TG: variants seen among roughly 807,000 people sequenced by gnomAD.
The protein encoded by TG is thyroglobulin, also known as thyroid hormones.
A neutral mutation model predicts 324.7 loss-of-function variants in TG; 270 were observed. The observed-to-expected ratio is 0.83, with a 90% CI of 0.75 to 0.92. The LOEUF (loss-of-function observed/expected upper bound fraction) is 0.92, where lower values mean the gene tolerates loss of function less well. TG is among the 40% of genes least tolerant of loss of function. The pLI is 0.00. For missense variants in TG, 3,591 were observed against 3,456.4 expected (o/e 1.04, Z -0.98); for synonymous variants, 1,401 against 1,327.0 (o/e 1.06, Z -1.21).
chr8:132,888,544 T>G lies in TG; in HGVS notation c.2737T>G (p.Ser913Ala), dbSNP rs773538206. Residue 913 changes from serine to alanine, a missense_variant, in exon 10 of 48, where the codon TCT (serine) becomes GCT (alanine). Ser to Ala is a moderately conservative substitution (Grantham distance 99, BLOSUM62 1). Transcript: ENST00000220616. The part of the protein sequence containing the change: ...EAGQELEGMR[S>A]EPSKLPTCPG... ...TGGCCAAGAACTGGAAGGAATGCGG[T>G]CTGAGCCAAGCAAGCTCCCAACATG... The G allele has an allele frequency of 6.2e-7, 1 of 1,611,686 alleles. No individual in the cohort carries two copies. The highest frequency in any genetic ancestry group is 8.5e-7 in the Non-Finnish European group (1 of 1,179,488).
In TG at chr8:132,877,105, C is replaced by T. The variant is rs147289575; in HGVS notation, c.638+3884C>T. ...CTGTGGTGGTTGGCTATGCATCAGG[C>T]GCTCTGCTAGGCTACGGCCCCCTCT... is the stretch of plus-strand genomic sequence containing the variant. On this transcript the variant is annotated intron_variant, in intron 5 of 47. Transcript: ENST00000220616. Among the ~76,000 whole-genome samples, 16 of 152,238 alleles carry T rather than the reference C, an allele frequency of 1.1e-4. No homozygotes were observed. In the South Asian group the frequency reaches 2.1e-3, roughly 20 times the overall value.
Position 133,040,003 on chromosome 8 carries a change from C to T in TG, c.7239+9980C>T, listed in dbSNP as rs771828887. The stretch of plus-strand genomic sequence containing the variant: ...CATACACACACCATACTCACCTGGA[C>T]ACTCTCCTCCAGTCCACAGTCTTCT... On this transcript the variant is annotated intron_variant, in intron 41 of 47. Coordinates refer to ENST00000220616, the MANE Select transcript of TG (RefSeq NM_003235.5). 10 of 1,551,582 alleles carry T rather than the reference C, an allele frequency of 6.4e-6. 1 individual carries two copies. The Admixed American group carries it at 1.4e-4, about 21-fold the overall frequency.
At chr8:133,102,824 A>G (rs949723914) in intron 43 of TG, 4 of 440,162 alleles carry the variant, frequency 9.1e-6, no homozygotes, top group Non-Finnish European at 1.7e-5. Context: ...GAAAAATCAG[A>G]AACAGAGCGC....
intron 41 of TG, among the ~76,000 whole-genome samples, chr8:133,063,883 C>T (rs991868792): frequency 5.3e-5 from 8 of 152,220 alleles, no homozygotes; most frequent in Non-Finnish European, 1.0e-4. Context: ...GCTGGAGTCT[C>T]TCTAATGAAA....
At chr8:133,081,948 A>T (rs541054465) in intron 41 of TG, among the ~76,000 whole-genome samples, 1 of 152,246 alleles carries the variant, frequency 6.6e-6, no homozygotes, top group Non-Finnish European at 1.5e-5. Context: ...GGAAACAGGC[A>T]TCTCATTTCT....
At chr8:133,009,849 G>A (rs1834347041) in intron 35 of TG, among the ~76,000 whole-genome samples, 1 of 151,238 alleles carries the variant, frequency 6.6e-6, no homozygotes. Flanking sequence ...CTCCAGAACT[G>A]TGAGAAATAA....
chr8:133,099,867 T>C (rs1037642316), intron 43 of TG, among the ~76,000 whole-genome samples: 2 of 152,176 alleles, frequency 1.3e-5, no homozygotes, highest in African/African-American at 4.8e-5. Flanking sequence ...GCCACTTTAT[T>C]TGAGATTTTT....
intron 41 of TG, among the ~76,000 whole-genome samples, chr8:133,035,208 A>G (rs1040470051): frequency 5.9e-5 from 9 of 152,216 alleles, no homozygotes; most frequent in Non-Finnish European, 1.3e-4. Flanking sequence ...CACCCATGAA[A>G]TTTTGAAAAG....
chr8:133,102,660 G>T, intron 43 of TG: 1 of 1,169,600 alleles, frequency 8.5e-7, no homozygotes, highest in South Asian at 1.3e-5. Context: ...CTGTCATGGG[G>T]AATTTCTCCC....
intron 43 of TG, among the ~76,000 whole-genome samples, chr8:133,097,288 G>A (rs1377604812): frequency 8.5e-5 from 13 of 152,058 alleles, no homozygotes; most frequent in Admixed American, 8.5e-4. Context: ...TTCACCTTGG[G>A]GACTCTATCC....
At chr8:133,005,813 T>G (rs1426882356) in intron 35 of TG, among the ~76,000 whole-genome samples, 1 of 152,114 alleles carries the variant, frequency 6.6e-6, no homozygotes, top group Non-Finnish European at 1.5e-5. Context: ...CCGGGAGGTG[T>G]GCAGAGGGCT....
At chr8:133,070,677 T>C (rs759196256) in intron 41 of TG, among the ~76,000 whole-genome samples, 1 of 152,202 alleles carries the variant, frequency 6.6e-6, no homozygotes, top group Non-Finnish European at 1.5e-5. Flanking sequence ...TCCTAATTCC[T>C]TCAGTAATAC....
Position 132,923,485 on chromosome 8 carries a change from C to T in TG, c.4676C>T (p.Pro1559Leu). Residue 1559 changes from proline to leucine, a missense_variant, in exon 22 of 48, where the codon CCT becomes CTT. Transcript: ENST00000220616. ...RRLPWWETEAPLEDSQCLMMQ... is the reference protein window; with the variant it reads ...RRLPWWETEALLEDSQCLMMQ... ...CTGCCATGGTGGGAAACAGAGGCCCCTCTTGAGGACTCACAGTGTTTGAGT... is the reference window on the plus strand; with the variant it reads ...CTGCCATGGTGGGAAACAGAGGCCCTTCTTGAGGACTCACAGTGTTTGAGT... The T allele has an allele frequency of 6.2e-7, 1 of 1,614,028 alleles. No individual in the cohort carries two copies. The highest frequency in any genetic ancestry group is 8.5e-7 in the Non-Finnish European group (1 of 1,179,982).
chr8:132,894,041 G>A (rs1363254222), intron 11 of TG, 112 bp downstream of exon 11: 73 of 1,550,076 alleles, frequency 4.7e-5, no homozygotes, highest in Non-Finnish European at 5.9e-5. Flanking sequence ...TCCCCAGACT[G>A]ATGGGTTCTT....
chr8:132,905,075 A>G (rs1818479743), intron 16 of TG, among the ~76,000 whole-genome samples: 1 of 152,214 alleles, frequency 6.6e-6, no homozygotes, highest in South Asian at 2.1e-4. Flanking sequence ...AACTGATATT[A>G]GCAAAGCTCT....
At chr8:132,873,684 GATAAT>G (rs922153065) in intron 5 of TG, among the ~76,000 whole-genome samples, 9 of 145,870 alleles carry the variant, frequency 6.2e-5, no homozygotes, top group African/African-American at 2.5e-4. Flanking sequence ...ACAAAGCACA[GATAAT>G]ATAATATAAT....
chr8:133,116,456 C>A (rs542927214), intron 44 of TG, among the ~76,000 whole-genome samples, 153 bp from the exon 45 acceptor site: 1 of 152,292 alleles, frequency 6.6e-6, no homozygotes, highest in South Asian at 2.1e-4. Flanking sequence ...ACTTGGAGAG[C>A]ATTGCTGGGG....
chr8:132,873,665 A>G lies in TG; in HGVS notation c.638+444A>G, dbSNP rs1839705093. 3.3e-5 allele frequency among the ~76,000 whole-genome samples: 5 copies of G among 152,246 alleles called. No individual in the cohort carries two copies. The South Asian group carries it at 1.0e-3, about 32-fold the overall frequency. On this transcript the variant is annotated intron_variant, in intron 5 of 47. Transcript: ENST00000220616. ...GGCCACAGTATATTATGATAATACA[A>G]TACAAGATACAAAGCACAGATAATA...
rs116597590 is a variant in TG, at chr8:132,906,934, G to A, written c.3847+34G>A. On this transcript the variant is annotated intron_variant, in intron 17 of 47. Transcript: ENST00000220616. ...CATCAGAGCATCTATCCTGCACCCC[G>A]CTCCCTCTCAGGGCTAGGGCTGGGA... 9 of 1,577,874 alleles carry A rather than the reference G, an allele frequency of 5.7e-6. No individual in the cohort carries two copies. The East Asian group carries it at 7.0e-5, about 12-fold the overall frequency.
Sources: allele counts gnomAD v4.1 joint callset (sites outside exome capture counted in the v4.1 genomes callset), GRCh38; gene constraint gnomAD v4.1.1; transcripts MANE v1.5; gene names NCBI Gene and HGNC (gene_info 2026-07-23, HGNC 2026-07-21).